The following IFFO2 variants were observed in gnomAD, a reference collection of about 807,000 sequenced individuals.
IFFO2 encodes the protein intermediate filament family orphan 2.
IFFO2 carries 19 observed loss-of-function variants against 53.5 expected under a neutral mutation model. The observed-to-expected ratio is 0.36, with a 90% confidence interval of 0.25 to 0.52. IFFO2 has a LOEUF of 0.52. Ranked by LOEUF, IFFO2 falls within the 20% of genes least tolerant of loss-of-function variation. The probability of loss-of-function intolerance (pLI) is 0.94; values close to 1 mark genes in which losing one functional copy is unlikely to be tolerated. For missense variants in IFFO2, 570 were observed against 727.4 expected, an observed-to-expected ratio of 0.78 and a Z score of 2.49; for synonymous variants, 303 against 313.6, an observed-to-expected ratio of 0.97 and a Z score of 0.36.
intron 1 of IFFO2, among the ~76,000 whole-genome samples, chr1:18,949,449 G>C (rs979731306): frequency 2.0e-5 from 3 of 152,248 alleles, no homozygotes; most frequent in African/African-American, 4.8e-5. Flanking sequence ...CCCTAATCCT[G>C]AGCACAGGGA....
At chr1:18,934,247 A>AT (rs142181786) in intron 1 of IFFO2, among the ~76,000 whole-genome samples, 15,556 of 151,260 alleles carry the variant, frequency 0.1, 995 homozygotes, top group African/African-American at 0.17. Flanking sequence ...TTTAAAAATT[A>AT]TTTTTTGTAG....
chr1:18,919,680 C>T lies in IFFO2; in HGVS notation c.820G>A (p.Asp274Asn). 6.4e-7 allele frequency: 1 copy of T among 1,550,660 alleles called. No homozygotes were observed. Among genetic ancestry groups the T allele is most frequent in the Non-Finnish European group, 8.7e-7 (1 of 1,146,048 alleles). ...CAGGGGCGGCGGGCGGCACTTACGT[C>T]ACTCATAAGCCCCTTAAACACCACC... ...ELVVFKGLMS[D>N]PMTDLDTKIQ... The change falls in exon 3 of 9, where the codon GAC (aspartate) becomes AAC (asparagine). Residue 274 changes from aspartate (D) to asparagine (N), a missense_variant and splice_region_variant. Asp to Asn is a conservative substitution (Grantham distance 23, BLOSUM62 1). Coordinates refer to ENST00000455833, the MANE Select transcript of IFFO2 (RefSeq NM_001136265.2). This position sits in a 1 kb window ranked among gnomAD's most constrained non-coding sequence, Gnocchi z 4.9.
rs902256970 is a variant in IFFO2, at chr1:18,904,375, C to T, written c.*4186G>A. 2.0e-5 allele frequency: 3 copies of T among 152,122 alleles called. No homozygotes were observed. The highest frequency in any genetic ancestry group is 4.4e-5 in the Non-Finnish European group (3 of 68,034). The allele number at this position is 152,122 out of a possible 1,614,324, so 9.4% of individuals were successfully genotyped here. On this transcript the variant is annotated 3_prime_UTR_variant, in exon 9 of 9. Coordinates refer to ENST00000455833, the MANE Select transcript of IFFO2 (RefSeq NM_001136265.2). ...ACAGTACAGTAAACAGGTTGGTTTC[C>T]GGTAGGATCAGTAGTCTTTCCATGA...
At chr1:18,954,957 G>T (rs1244496147) in intron 1 of IFFO2, among the ~76,000 whole-genome samples, 1 of 152,234 alleles carries the variant, frequency 6.6e-6, no homozygotes, top group Non-Finnish European at 1.5e-5. Context: ...AGGGATGAAA[G>T]GAGGCATTTT....
rs553886239 is a variant in IFFO2 at position 18,919,342 on chromosome 1, C to T, written c.822+336G>A. 1.2e-4 allele frequency among the ~76,000 whole-genome samples: 18 copies of T among 152,328 alleles called. No homozygotes were observed. The East Asian group carries it at 1.4e-3, about 11-fold the overall frequency. On this transcript the variant is annotated intron_variant, in intron 3 of 8. Coordinates refer to ENST00000455833, the MANE Select transcript of IFFO2 (RefSeq NM_001136265.2). This position sits in a 1 kb window ranked among gnomAD's most constrained non-coding sequence, Gnocchi z 4.9. ...GCCCAACCTGCCAGACGCCCTGCTA[C>T]GCCCAGACACCGAGGCCTGCCCTCA...
chr1:18,950,870 T>C (rs1161192514), intron 1 of IFFO2, among the ~76,000 whole-genome samples: 3 of 152,174 alleles, frequency 2.0e-5, no homozygotes, highest in Non-Finnish European at 4.4e-5. Context: ...CAGTCAGAAA[T>C]AGCTGTGACA....
chr1:18,922,586 C>G (rs553169051), intron 1 of IFFO2, among the ~76,000 whole-genome samples: 72 of 152,324 alleles, frequency 4.7e-4, no homozygotes, highest in Non-Finnish European at 8.8e-4. Context: ...CCCTCTCCCC[C>G]TTTTCTCCAG....
In IFFO2 at chr1:18,907,286, G is replaced by A. The variant is rs1935963488; in HGVS notation, c.*1275C>T. ...GTCCCACTCAAGCCATTCAAGTCTT[G>A]GGGGATGCTGGCTCAGATCAATACC... On this transcript the variant is annotated 3_prime_UTR_variant, in exon 9 of 9. Coordinates refer to ENST00000455833, the MANE Select transcript of IFFO2 (RefSeq NM_001136265.2). The A allele has an allele frequency of 6.6e-6, 1 of 152,204 alleles. No homozygotes were observed. Among genetic ancestry groups the A allele is most frequent in the Non-Finnish European group, 1.5e-5 (1 of 68,052 alleles). The allele number at this position is 152,204 out of a possible 1,614,324, so 9.4% of individuals were successfully genotyped here.
chr1:18,940,517 C>T (rs1165413235), intron 1 of IFFO2, among the ~76,000 whole-genome samples: 1 of 151,980 alleles, frequency 6.6e-6, no homozygotes, highest in East Asian at 1.9e-4. Context: ...GACTGAGCAC[C>T]GTGGCCCAGA....
rs35729417 is a variant in IFFO2 at position 18,916,122 on chromosome 1, CA to C, written c.1103+780del. ...TCTGGGTGACAGAGTGAGACTGTCT[CA>C]AAAAAAAAAATAGCCTACAAATAAG... is the stretch of plus-strand genomic sequence containing the variant. On this transcript the variant is annotated intron_variant, in intron 5 of 8. Coordinates refer to ENST00000455833, the MANE Select transcript of IFFO2 (RefSeq NM_001136265.2). This position sits in a 1 kb window ranked among gnomAD's most constrained non-coding sequence, Gnocchi z 4.3. Among the ~76,000 whole-genome samples the C allele has an allele frequency of 2.5e-4, 37 of 146,188 alleles. No individual in the cohort carries two copies. The highest frequency in any genetic ancestry group is 1.5e-3 in the South Asian group (7 of 4,636).
At chr1:18,949,193 C>T (rs557031722) in intron 1 of IFFO2, among the ~76,000 whole-genome samples, 16 of 152,356 alleles carry the variant, frequency 1.1e-4, no homozygotes, top group Non-Finnish European at 2.2e-4. Flanking sequence ...TAGCTCACAG[C>T]AGCCAGACAC....
intron 1 of IFFO2, among the ~76,000 whole-genome samples, chr1:18,950,758 TG>T (rs899942017): frequency 6.6e-6 from 1 of 152,076 alleles, no homozygotes; most frequent in Non-Finnish European, 1.5e-5. Context: ...AGGGCCCCCC[TG>T]GGGTGTGACG....
intron 1 of IFFO2, among the ~76,000 whole-genome samples, chr1:18,932,671 G>A (rs899603249): frequency 1.3e-5 from 2 of 152,252 alleles, no homozygotes; most frequent in African/African-American, 2.4e-5. Flanking sequence ...GATTAGTCAT[G>A]GAACACGGCC....
intron 1 of IFFO2, among the ~76,000 whole-genome samples, chr1:18,945,435 A>C (rs1054724054): frequency 6.6e-6 from 1 of 152,222 alleles, no homozygotes; most frequent in Non-Finnish European, 1.5e-5. Context: ...ACTTCACAAG[A>C]TCTACTTAGA....
At chr1:18,921,166 G>C in intron 1 of IFFO2, 45 bp from the exon 2 acceptor site, 1 of 1,514,548 alleles carries the variant, frequency 6.6e-7, no homozygotes, top group African/African-American at 1.4e-5. Context: ...TGAGTTCCCT[G>C]TGCCAGTCCA....
rs1481398651 is a variant in IFFO2 at position 18,926,119 on chromosome 1, A to ATGGATGGT, written c.666-4999_666-4998insACCATCCA. On this transcript the variant is annotated intron_variant, in intron 1 of 8. Transcript: ENST00000455833. ...ATGGATGGATTGGTTGGATGGATAG[A>ATGGATGGT]TGGATGGATGGATGGATGGATGGAT... 6.9e-4 allele frequency among the ~76,000 whole-genome samples: 33 copies of ATGGATGGT among 47,912 alleles called. 11 individuals are homozygous for ATGGATGGT. The highest frequency in any genetic ancestry group is 8.8e-4 in the Non-Finnish European group (13 of 14,770). 31.4% of individuals were successfully genotyped at this position (47,912 alleles called of 152,430 possible). A position where few individuals can be genotyped will look rare whatever the true frequency, so the allele number is the denominator to read the frequency against.
At position 18,955,639 on chromosome 1, in the gene IFFO2, AGGGCGGCGGGGGAG is replaced by A; in HGVS notation, c.665+15_665+28del. On this transcript the variant is annotated intron_variant, in intron 1 of 8. Coordinates refer to ENST00000455833, the MANE Select transcript of IFFO2 (RefSeq NM_001136265.2). ...AGCCTGGACCTGGGCGCCCCGTCCCAGGGCGGCGGGGGAGGGGCGGCCACTCACCTCCGCTTATA... is the reference window on the plus strand; with the variant it reads ...AGCCTGGACCTGGGCGCCCCGTCCCAGGGCGGCCACTCACCTCCGCTTATA... 3 of 1,538,120 alleles carry A rather than the reference AGGGCGGCGGGGGAG, an allele frequency of 2.0e-6. No individual in the cohort carries two copies. Among genetic ancestry groups the A allele is most frequent in the South Asian group, 1.2e-5 (1 of 84,272 alleles).
chr1:18,927,641 C>G (rs559868927), intron 1 of IFFO2, among the ~76,000 whole-genome samples: 2 of 152,390 alleles, frequency 1.3e-5, no homozygotes, highest in East Asian at 3.9e-4. Flanking sequence ...ATCCTCACAG[C>G]AGAGCCAGGG....
In IFFO2 at chr1:18,917,161, G is replaced by C. The variant is rs1212859627; in HGVS notation, c.964-119C>G. The C allele has an allele frequency of 8.5e-7, 1 of 1,177,894 alleles. No homozygotes were observed. The highest frequency in any genetic ancestry group is 1.2e-6 in the Non-Finnish European group (1 of 847,010). The allele number at this position is 1,177,894 out of a possible 1,614,324, so 73.0% of individuals were successfully genotyped here. A position where few individuals can be genotyped will look rare whatever the true frequency, so the allele number is the denominator to read the frequency against. On this transcript the variant is annotated intron_variant, in intron 4 of 8. Transcript: ENST00000455833. This position sits in a 1 kb window ranked among gnomAD's most constrained non-coding sequence, Gnocchi z 5.9. The stretch of plus-strand genomic sequence containing the variant: ...TGATGAGCGTGACTGGGGCCGGCCA[G>C]TGCCAGGAAAGGTGCAGGTCCTCTA...
Sources: gnomAD v4.1 joint callset for allele counts (sites outside exome capture counted in the v4.1 genomes callset) on GRCh38, gnomAD v4.1.1 for gene constraint, Gnocchi (gnomAD v3.1) non-coding constraint, MANE v1.5 for transcripts, NCBI Gene and HGNC (gene_info 2026-07-23, HGNC 2026-07-21) for gene names.